The following ZAP70 variants were observed in gnomAD, a reference collection of about 807,000 sequenced individuals.
ZAP70 encodes tyrosine-protein kinase ZAP-70.
A neutral mutation model predicts 65.8 loss-of-function variants in ZAP70; 27 were observed. The observed-to-expected ratio is 0.41, with a 90% CI of 0.30 to 0.57. ZAP70 has a LOEUF of 0.57. Ranked by LOEUF, ZAP70 falls within the 20% of genes least tolerant of loss-of-function variation. ZAP70 has a pLI of 0.28. For synonymous variants in ZAP70, 363 were observed against 360.8 expected, an observed-to-expected ratio of 1.01 and a Z score of -0.07; for missense variants, 696 against 870.5, an observed-to-expected ratio of 0.80 and a Z score of 2.52.
chr2:97,755,046 G>A, the ZAP70 span, among the ~76,000 whole-genome samples: 1 of 152,262 alleles, frequency 6.6e-6, no homozygotes, highest in Admixed American at 6.5e-5. Flanking sequence ...CACCTTCATG[G>A]GGATAGTTTT....
downstream of ZAP70, among the ~76,000 whole-genome samples, chr2:97,743,328 TA>T (rs1358820203): frequency 6.6e-6 from 1 of 152,214 alleles, no homozygotes; most frequent in Non-Finnish European, 1.5e-5. Context: ...TTTTGTCTCA[TA>T]GTCTCCTGTT....
rs1677619121 is a variant in ZAP70 at position 97,731,776 on chromosome 2, A to G, written c.564-1107A>G. 6.6e-6 allele frequency among the ~76,000 whole-genome samples: 1 copy of G among 152,246 alleles called. No homozygotes were observed. Among genetic ancestry groups the G allele is most frequent in the South Asian group, 2.1e-4 (1 of 4,836 alleles). On this transcript the variant is annotated intron_variant, in intron 4 of 13. Transcript: ENST00000264972. The surrounding 1 kb of genome is among the most constrained non-coding windows in gnomAD (Gnocchi z 4.0). The stretch of plus-strand genomic sequence containing the variant: ...TGAATGAACATCCACAGGCAGGGCC[A>G]GGCCTGGTCTGAGAATTTGCACCTT...
chr2:97,737,324 C>A lies in ZAP70; in HGVS notation c.1290-149C>A. 2 of 789,358 alleles carry A rather than the reference C, an allele frequency of 2.5e-6. No homozygotes were observed. Among genetic ancestry groups the A allele is most frequent in the South Asian group, 1.6e-5 (1 of 63,498 alleles). 48.9% of individuals were successfully genotyped at this position (789,358 alleles called of 1,614,324 possible). On this transcript the variant is annotated intron_variant, in intron 10 of 13. Transcript: ENST00000264972. This position sits in a 1 kb window ranked among gnomAD's most constrained non-coding sequence, Gnocchi z 5.0. ...TTTTGTTCACTGCTGTGTCCCCAGC[C>A]CCACGCCTGGCACACAGCAGGTGCT... is the stretch of plus-strand genomic sequence containing the variant.
At chr2:97,755,192 C>T in the ZAP70 span, among the ~76,000 whole-genome samples, 5 of 152,144 alleles carry the variant, frequency 3.3e-5, no homozygotes, top group African/African-American at 2.4e-5. Flanking sequence ...TGCGTTGTGG[C>T]GTACCGAGAC....
rs200035151 is a variant in ZAP70 at position 97,733,205 on chromosome 2, C to A, written c.783C>A (p.Asn261Lys). The change falls in exon 6 of 14, where the codon AAC (asparagine) becomes AAA (lysine). Residue 261 changes from asparagine to lysine, a missense_variant. Around this residue, in one of 3 missense-constraint regions of ZAP70, gnomAD observed 551 missense variants for 630.0 expected, o/e 0.87. Coordinates refer to ENST00000264972, the MANE Select transcript of ZAP70 (RefSeq NM_001079.4). The part of the protein sequence containing the change: ...KEACPNSSAS[N>K]ASGAAAPTLP... ...CCTGCCCCAACAGCAGTGCCAGCAACGCCTCAGGTGACGGCAGCAGGCGGG... is the reference window on the plus strand; with the variant it reads ...CCTGCCCCAACAGCAGTGCCAGCAAAGCCTCAGGTGACGGCAGCAGGCGGG... The A allele has an allele frequency of 6.8e-6, 11 of 1,613,502 alleles. No individual in the cohort carries two copies. In the East Asian group the frequency reaches 2.5e-4, roughly 36 times the overall value.
Position 97,716,937 on chromosome 2 carries a change from G to A in ZAP70, c.-22+2943G>A, listed in dbSNP as rs149738627. Among the ~76,000 whole-genome samples the A allele has an allele frequency of 7.9e-5, 12 of 152,310 alleles. No homozygotes were observed. The East Asian group carries it at 1.2e-3, about 15-fold the overall frequency. ...GGAGGAGGTCTGGCGAGCTTCACTC[G>A]CTGCTGAGGCTGCACTGTGACCATG... is the stretch of plus-strand genomic sequence containing the variant. On this transcript the variant is annotated intron_variant, in intron 2 of 13. Transcript: ENST00000264972.
Position 97,734,659 on chromosome 2 carries a change from A to G in ZAP70, c.1029A>G (p.Glu343=), listed in dbSNP as rs920192176. The G allele has an allele frequency of 5.0e-6, 8 of 1,614,020 alleles. No individual in the cohort carries two copies. The highest frequency in any genetic ancestry group is 1.6e-4 in the Middle Eastern group (1 of 6,082). Residue 343 remains glutamate, a synonymous_variant, in exon 9 of 14, where the codon GAA becomes GAG. Coordinates refer to ENST00000264972, the MANE Select transcript of ZAP70 (RefSeq NM_001079.4). ...ATAACCTCCTCATAGCTGACATTGA[A>G]CTTGGCTGCGGCAACTTTGGCTCAG... is the stretch of plus-strand genomic sequence containing the variant. ...KRDNLLIADI[E]LGCGNFGSVR... is the part of the protein sequence containing the mutation.
At chr2:97,721,962 T>C (rs1271093506) in intron 2 of ZAP70, among the ~76,000 whole-genome samples, 1 of 151,902 alleles carries the variant, frequency 6.6e-6, no homozygotes, top group African/African-American at 2.4e-5. Flanking sequence ...TTTTTGTATT[T>C]TTAGTAGAGA....
downstream of ZAP70, among the ~76,000 whole-genome samples, chr2:97,741,120 T>C (rs1678116589): frequency 6.6e-6 from 1 of 152,068 alleles, no homozygotes; most frequent in Admixed American, 6.5e-5. Context: ...ATAATGGGAA[T>C]ACAATCGATC....
At chr2:97,747,815 G>GTTTTTTT in the ZAP70 span, among the ~76,000 whole-genome samples, 599 of 54,882 alleles carry the variant, frequency 0.011, 41 homozygotes, top group East Asian at 0.02. Flanking sequence ...CTGGCACGAG[G>GTTTTTTT]TTTTTTTTTT....
chr2:97,732,800 A>G, intron 4 of ZAP70, 83 bp from the exon 5 acceptor site: 1 of 1,584,364 alleles, frequency 6.3e-7, no homozygotes, highest in Non-Finnish European at 8.6e-7. Flanking sequence ...TGGAGCCCAT[A>G]GGGTGTGTTG....
chr2:97,748,701 G>C, the ZAP70 span, among the ~76,000 whole-genome samples: 44,069 of 152,126 alleles, frequency 0.29, 8,128 homozygotes, highest in Non-Finnish European at 0.39. Context: ...CCCACTCAGG[G>C]TGTTCTCAAT....
At chr2:97,722,885 AT>A (rs978912270) in intron 2 of ZAP70, among the ~76,000 whole-genome samples, 2 of 152,132 alleles carry the variant, frequency 1.3e-5, no homozygotes. Context: ...ACTCCTAAAC[AT>A]TTCTGCAAGC....
chr2:97,735,261 A>G lies in ZAP70; in HGVS notation c.1094A>G (p.Asp365Gly), dbSNP rs1208694003. The stretch of plus-strand genomic sequence containing the variant: ...GCCGGGTCGGGCAGGAAGCAGATCG[A>G]CGTGGCCATCAAGGTGCTGAAGCAG... ...GVYRMRKKQI[D>G]VAIKVLKQGT... Residue 365 changes from aspartate (D) to glycine (G), a missense_variant, in exon 10 of 14, where the codon GAC becomes GGC. Asp to Gly is a moderately conservative substitution (Grantham distance 94, BLOSUM62 -1). Around this residue, in one of 3 missense-constraint regions of ZAP70, gnomAD observed 551 missense variants for 630.0 expected, o/e 0.87. Coordinates refer to ENST00000264972, the MANE Select transcript of ZAP70 (RefSeq NM_001079.4). 6.2e-6 allele frequency: 10 copies of G among 1,613,890 alleles called. No individual in the cohort carries two copies. The highest frequency in any genetic ancestry group is 8.5e-6 in the Non-Finnish European group (10 of 1,179,946).
chr2:97,731,034 T>G lies in ZAP70; in HGVS notation c.564-1849T>G, dbSNP rs1395430096. On this transcript the variant is annotated intron_variant, in intron 4 of 13. Transcript: ENST00000264972. The surrounding 1 kb of genome is among the most constrained non-coding windows in gnomAD (Gnocchi z 4.0). Reference sequence around the variant, plus strand: ...CACGCCACTGCACTCCAGCCCGGGCTGTGGAGCGAGACTCGGTCTCAAAAA... The same window carrying G: ...CACGCCACTGCACTCCAGCCCGGGCGGTGGAGCGAGACTCGGTCTCAAAAA... Among the ~76,000 whole-genome samples the G allele has an allele frequency of 1.6e-5, 2 of 123,226 alleles. No individual in the cohort carries two copies. Among genetic ancestry groups the G allele is most frequent in the Non-Finnish European group, 3.3e-5 (2 of 61,532 alleles). 80.8% of individuals were successfully genotyped at this position (123,226 alleles called of 152,430 possible).
intron 8 of ZAP70, 107 bp downstream of exon 8, chr2:97,733,702 G>C: frequency 6.9e-7 from 1 of 1,439,530 alleles, no homozygotes; most frequent in Non-Finnish European, 9.7e-7. Context: ...GCCGGGCCAG[G>C]CTGTGGCAGT....
At chr2:97,722,149 C>T (rs1017981881) in intron 2 of ZAP70, among the ~76,000 whole-genome samples, 2 of 151,958 alleles carry the variant, frequency 1.3e-5, no homozygotes, top group African/African-American at 2.4e-5. Flanking sequence ...GGCCTGATCT[C>T]GGCTCAATGG....
chr2:97,723,912 C>A, intron 2 of ZAP70, 104 bp from the exon 3 acceptor site: 6 of 1,330,736 alleles, frequency 4.5e-6, no homozygotes, highest in South Asian at 1.4e-5. Context: ...GCTCAGTCTG[C>A]GGCACTGATG....
At chr2:97,724,714 C>A (rs1161905533) in intron 3 of ZAP70, 3 of 1,513,398 alleles carry the variant, frequency 2.0e-6, no homozygotes, top group African/African-American at 1.4e-5. Context: ...CGGGCGAAGG[C>A]GAGGCTTGGA....
Sources: gnomAD v4.1 joint callset for allele counts (sites outside exome capture counted in the v4.1 genomes callset) on GRCh38, gnomAD v4.1.1 for gene constraint, gnomAD v4.1.1 regional missense constraint, Gnocchi (gnomAD v3.1) non-coding constraint, MANE v1.5 for transcripts, NCBI Gene and HGNC (gene_info 2026-07-23, HGNC 2026-07-21) for gene names.